MYRFL: variants seen among roughly 807,000 people sequenced by gnomAD.
MYRFL encodes myelin regulatory factor-like protein.
MYRFL carries 88 observed loss-of-function variants against 109.4 expected under a neutral mutation model. That is an observed-to-expected ratio of 0.80 (90% CI 0.68 to 0.96). The LOEUF (loss-of-function observed/expected upper bound fraction) is 0.96, where lower values mean the gene tolerates loss of function less well. MYRFL is among the 40% of genes least tolerant of loss of function. MYRFL has a pLI of 0.00. For missense variants in MYRFL, 957 were observed against 954.9 expected (o/e 1.00, Z -0.03); for synonymous variants, 324 against 320.9 (o/e 1.01, Z -0.10).
intron 7 of MYRFL, among the ~76,000 whole-genome samples, chr12:69,893,486 G>A (rs1887038278): frequency 6.6e-6 from 1 of 152,144 alleles, no homozygotes; most frequent in Non-Finnish European, 1.5e-5. Context: ...TGATGTTTCA[G>A]CCATCTTCCA....
chr12:69,828,930 G>A (rs971353913), intron 1 of MYRFL, among the ~76,000 whole-genome samples: 10 of 152,216 alleles, frequency 6.6e-5, no homozygotes, highest in South Asian at 6.2e-4. Context: ...TTTTTGAGAA[G>A]CTATTTATTT....
chr12:69,866,606 T>G (rs1885030189), intron 2 of MYRFL, among the ~76,000 whole-genome samples: 1 of 152,146 alleles, frequency 6.6e-6, no homozygotes, highest in Non-Finnish European at 1.5e-5. Context: ...TCATGTTACT[T>G]CCCCTCTACC....
intron 2 of MYRFL, among the ~76,000 whole-genome samples, chr12:69,878,482 TA>T (rs1291771006): frequency 1.3e-5 from 2 of 152,218 alleles, no homozygotes; most frequent in African/African-American, 2.4e-5. Flanking sequence ...AGTAATTATT[TA>T]AAAAATTTTA....
At position 69,952,791 on chromosome 12, in the gene MYRFL, C is replaced by G. The variant is rs1956011460; in HGVS notation, c.2288-8C>G. 1 of 1,509,650 alleles carries G rather than the reference C, an allele frequency of 6.6e-7. No homozygotes were observed. Among genetic ancestry groups the G allele is most frequent in the Middle Eastern group, 1.7e-4 (1 of 5,920 alleles). The allele number at this position is 1,509,650 out of a possible 1,614,324, so 93.5% of individuals were successfully genotyped here. A position where few individuals can be genotyped will look rare whatever the true frequency, so the allele number is the denominator to read the frequency against. ...TTTATTTACTTTGTCTATTTCTTCT[C>G]AATTCAGGGATTGATACAACCATCA... On this transcript the variant is annotated splice_polypyrimidine_tract_variant and splice_region_variant and intron_variant, in intron 20 of 24. Coordinates refer to ENST00000552032, the MANE Select transcript of MYRFL (RefSeq NM_182530.3).
chr12:69,915,513 C>A (rs1311081280), intron 13 of MYRFL, among the ~76,000 whole-genome samples: 2 of 152,214 alleles, frequency 1.3e-5, no homozygotes, highest in Non-Finnish European at 2.9e-5. Context: ...ATGTCTGGAT[C>A]TTTATAGACT....
At chr12:69,896,670 T>C (rs918125806) in intron 9 of MYRFL, among the ~76,000 whole-genome samples, 3 of 152,166 alleles carry the variant, frequency 2.0e-5, no homozygotes, top group Admixed American at 6.5e-5. Context: ...CTGGGAAGGA[T>C]CCAGTGTGGT....
In MYRFL at chr12:69,859,185, T is replaced by C. The variant is rs542465427; in HGVS notation, c.137+3815T>C. ...CATATATTTTTCTGTGACTGGTTTC[T>C]AGTTTAATTCCATTATGAACAGAGA... On this transcript the variant is annotated intron_variant, in intron 2 of 24. Transcript: ENST00000552032. Among the ~76,000 whole-genome samples, 196 of 152,288 alleles carry C rather than the reference T, an allele frequency of 1.3e-3. 1 individual carries two copies. The highest frequency in any genetic ancestry group is 2.2e-3 in the Non-Finnish European group (151 of 67,992).
At chr12:69,870,089 A>C (rs1176933174) in intron 2 of MYRFL, among the ~76,000 whole-genome samples, 2 of 89,986 alleles carry the variant, frequency 2.2e-5, no homozygotes, top group South Asian at 3.8e-4. Context: ...GAATCTCTTG[A>C]TTTTTCTTCC....
Position 69,903,662 on chromosome 12 carries a change from T to C in MYRFL, c.1201T>C (p.Phe401Leu). The part of the protein sequence containing the change: ...IIVRASNPGQ[F>L]ENDSDALWQR... Reference sequence around the variant, plus strand: ...TTTCCAGGCCTCTAACCCTGGGCAGTTTGAAAATGACAGTGATGCATTGTG... The same window carrying C: ...TTTCCAGGCCTCTAACCCTGGGCAGCTTGAAAATGACAGTGATGCATTGTG... The change falls in exon 11 of 25, where the codon TTT (phenylalanine) becomes CTT (leucine). Residue 401 changes from phenylalanine (F) to leucine (L), a missense_variant. Transcript: ENST00000552032. The C allele has an allele frequency of 1.3e-6, 2 of 1,535,840 alleles. No individual in the cohort carries two copies. The highest frequency in any genetic ancestry group is 8.7e-7 in the Non-Finnish European group (1 of 1,146,696).
At chr12:69,909,885 G>T in intron 11 of MYRFL, 84 bp from the exon 12 acceptor site, 1 of 929,856 alleles carries the variant, frequency 1.1e-6, no homozygotes, top group Non-Finnish European at 1.5e-6. Context: ...AAGCAATTCA[G>T]TGATGTCTCT....
Position 69,932,453 on chromosome 12 carries a change from C to A in MYRFL, c.1831-60C>A, listed in dbSNP as rs534739971. On this transcript the variant is annotated intron_variant, in intron 15 of 24. Transcript: ENST00000552032. The stretch of plus-strand genomic sequence containing the variant: ...CCCCTGCTGGGAGCAGTTCTCCAGG[C>A]TCCCTTCTCACAGTTAGAGTTGCTA... 9 of 1,154,362 alleles carry A rather than the reference C, an allele frequency of 7.8e-6. No individual in the cohort carries two copies. In the African/African-American group the frequency reaches 1.2e-4, roughly 16 times the overall value. The allele number at this position is 1,154,362 out of a possible 1,614,324, so 71.5% of individuals were successfully genotyped here. A position where few individuals can be genotyped will look rare whatever the true frequency, so the allele number is the denominator to read the frequency against.
intron 16 of MYRFL, 30 bp from the exon 17 acceptor site, chr12:69,936,083 T>TG: frequency 8.9e-7 from 1 of 1,128,916 alleles, no homozygotes; most frequent in East Asian, 3.2e-5. Flanking sequence ...ATAATGTTTT[T>TG]TTTTTTTTTT....
intron 1 of MYRFL, among the ~76,000 whole-genome samples, chr12:69,854,352 A>G (rs112217448): frequency 8.8e-5 from 5 of 57,022 alleles, no homozygotes; most frequent in Non-Finnish European, 1.5e-4. Flanking sequence ...AGGGGGAGGG[A>G]GAGGGAGAGG....
intron 1 of MYRFL, 58 bp downstream of exon 1, chr12:69,825,621 G>C: frequency 2.9e-6 from 2 of 689,370 alleles, no homozygotes; most frequent in Admixed American, 2.2e-5. Flanking sequence ...CACTATCCCT[G>C]TTTCACCTTT....
At chr12:69,901,494 G>A (rs1954178296) in intron 10 of MYRFL, among the ~76,000 whole-genome samples, 1 of 152,192 alleles carries the variant, frequency 6.6e-6, no homozygotes, top group South Asian at 2.1e-4. Context: ...AGAGCTAAGT[G>A]AGAGTATTGC....
chr12:69,916,932 A>C (rs1954749094), intron 13 of MYRFL, among the ~76,000 whole-genome samples: 1 of 152,152 alleles, frequency 6.6e-6, no homozygotes, highest in African/African-American at 2.4e-5. Context: ...AAACTCCTAC[A>C]TATTCCTTCA....
In MYRFL at chr12:69,931,043, TTTA is replaced by T. The variant is rs139434373; in HGVS notation, c.1831-1464_1831-1462del. Reference sequence around the variant, plus strand: ...ACTCCAAAAAGTAGGCAGGCATTATTTTATTATTCCTATTTTACTGATAAAGAA... The same window carrying T: ...ACTCCAAAAAGTAGGCAGGCATTATTTTATTCCTATTTTACTGATAAAGAA... On this transcript the variant is annotated intron_variant, in intron 15 of 24. Transcript: ENST00000552032. Among the ~76,000 whole-genome samples, 51 of 152,336 alleles carry T rather than the reference TTTA, an allele frequency of 3.3e-4. No homozygotes were observed. In the East Asian group the frequency reaches 9.5e-3, roughly 28 times the overall value.
At chr12:69,949,661 T>A (rs1424703825) in intron 19 of MYRFL, among the ~76,000 whole-genome samples, 2 of 152,192 alleles carry the variant, frequency 1.3e-5, no homozygotes, top group Admixed American at 1.3e-4. Flanking sequence ...TAATTTTTTT[T>A]TTTTTTAGCC....
chr12:69,848,494 A>C (rs1303657037), intron 1 of MYRFL, among the ~76,000 whole-genome samples: 1 of 152,040 alleles, frequency 6.6e-6, no homozygotes, highest in East Asian at 1.9e-4. Flanking sequence ...TATTCCTGAC[A>C]ATTATATTCC....
Sources: gnomAD v4.1 joint callset for allele counts (sites outside exome capture counted in the v4.1 genomes callset) on GRCh38, gnomAD v4.1.1 for gene constraint, MANE v1.5 for transcripts, NCBI Gene and HGNC (gene_info 2026-07-23, HGNC 2026-07-21) for gene names.